The following GOSR1 variants were observed in gnomAD, a reference collection of about 807,000 sequenced individuals.
The protein encoded by GOSR1 is 28 kDa Golgi SNARE protein.
Under a neutral mutation model 35.5 loss-of-function variants are expected in GOSR1, and 21 were observed. The ratio of observed to expected loss-of-function variants is 0.59; its 90% CI spans 0.42 to 0.85. The LOEUF (loss-of-function observed/expected upper bound fraction) is 0.85. Among genes scored for constraint, GOSR1 ranks in the 40% least tolerant of loss-of-function variants. GOSR1 has a pLI of 0.00. For synonymous variants in GOSR1, 94 were observed against 106.6 expected (o/e 0.88, Z 0.73); for missense variants, 285 against 309.6 (o/e 0.92, Z 0.60).
chr17:30,484,970 T>G, intron 4 of GOSR1, 200 bp downstream of exon 4: 1 of 593,800 alleles, frequency 1.7e-6, no homozygotes, highest in Non-Finnish European at 3.1e-6. Context: ...TAATAGCTCT[T>G]GCTATTTCTT....
chr17:30,480,967 C>T (rs537114613), intron 1 of GOSR1, 176 bp from the exon 2 acceptor site: 3 of 475,640 alleles, frequency 6.3e-6, no homozygotes, highest in African/African-American at 3.9e-5. Flanking sequence ...CCACCTTGGC[C>T]TCCCAAAGTG....
intron 7 of GOSR1, among the ~76,000 whole-genome samples, chr17:30,519,366 A>T (rs1050832280): frequency 2.6e-5 from 4 of 152,162 alleles, no homozygotes; most frequent in African/African-American, 7.2e-5. Context: ...TGTTTTAGCC[A>T]CGTTTAATGA....
intron 1 of GOSR1, chr17:30,480,060 A>G (rs550374830): frequency 5.1e-4 from 77 of 152,274 alleles, no homozygotes; most frequent in African/African-American, 1.8e-3. Context: ...TAATCCTAGC[A>G]CTTTGGGAGG....
intron 5 of GOSR1, chr17:30,490,426 T>C (rs1328589675): frequency 1.5e-5 from 6 of 402,668 alleles, no homozygotes; most frequent in African/African-American, 2.0e-5. Context: ...TACTTTATCA[T>C]TGGCTCCTGC....
At chr17:30,493,989 A>C (rs1171514732) in intron 6 of GOSR1, among the ~76,000 whole-genome samples, 1 of 152,100 alleles carries the variant, frequency 6.6e-6, no homozygotes, top group Non-Finnish European at 1.5e-5. Context: ...TCATTTGCAA[A>C]GTTTTTCTAT....
At position 30,522,394 on chromosome 17, in the gene GOSR1, G is replaced by A. The variant is rs1968071414; in HGVS notation, c.*16G>A. The A allele has an allele frequency of 1.3e-6, 2 of 1,545,524 alleles. No homozygotes were observed. The highest frequency in any genetic ancestry group is 2.4e-5 in the East Asian group (1 of 42,400). On this transcript the variant is annotated 3_prime_UTR_variant, in exon 9 of 9. Transcript: ENST00000451249. The stretch of plus-strand genomic sequence containing the variant: ...GTTCCATTGATGGGACATCTTCAGG[G>A]ACTCTTGACAGCCACCGCTTTCACA...
At chr17:30,485,359 C>G (rs1914615885) in intron 4 of GOSR1, among the ~76,000 whole-genome samples, 1 of 151,950 alleles carries the variant, frequency 6.6e-6, no homozygotes, top group East Asian at 1.9e-4. Context: ...CTCAACCTCC[C>G]AAGCTCAAAC....
At chr17:30,500,455 AT>A (rs1967160144) in intron 6 of GOSR1, among the ~76,000 whole-genome samples, 1 of 151,946 alleles carries the variant, frequency 6.6e-6, no homozygotes, top group Non-Finnish European at 1.5e-5. Flanking sequence ...TGTATATTCC[AT>A]TGTTTCAGTA....
chr17:30,485,270 ATTT>A (rs1324966154), intron 4 of GOSR1: 69 of 163,214 alleles, frequency 4.2e-4, no homozygotes, highest in South Asian at 1.7e-3. Flanking sequence ...TAGGAAGGCA[ATTT>A]TTTTTTTTTT....
In GOSR1 at chr17:30,522,329, G is replaced by C. The variant is rs749887246; in HGVS notation, c.698G>C (p.Gly233Ala). The C allele has an allele frequency of 1.3e-5, 21 of 1,610,024 alleles. No homozygotes were observed. In the Admixed American group the frequency reaches 3.2e-4, roughly 24 times the overall value. The change falls in exon 9 of 9, where the codon GGT becomes GCT. Residue 233 changes from glycine (G) to alanine (A), a missense_variant. By Grantham distance (60) the Gly-to-Ala change is moderately conservative. Around this residue, in one of 3 missense-constraint regions of GOSR1, gnomAD observed 168 missense variants for 183.2 expected, o/e 0.92. Coordinates refer to ENST00000451249, the MANE Select transcript of GOSR1 (RefSeq NM_001007025.2). ...CGGCGGGACTCGCTCATCCTAGGGGGTGTTATTGGGATCTGTACCATCCTG... is the reference window on the plus strand; with the variant it reads ...CGGCGGGACTCGCTCATCCTAGGGGCTGTTATTGGGATCTGTACCATCCTG... ...RKRRDSLILGGVIGICTILLL... is the reference protein window; with the variant it reads ...RKRRDSLILGAVIGICTILLL...
intron 7 of GOSR1, among the ~76,000 whole-genome samples, chr17:30,516,848 G>T (rs1036917099): frequency 6.6e-6 from 1 of 152,060 alleles, no homozygotes; most frequent in African/African-American, 2.4e-5. Flanking sequence ...CCAGTAGCTG[G>T]GATTACAGGC....
rs1968179834 is a variant in GOSR1, at chr17:30,526,221, T to A, written c.*3843T>A. On this transcript the variant is annotated 3_prime_UTR_variant, in exon 9 of 9. Transcript: ENST00000451249. The stretch of plus-strand genomic sequence containing the variant: ...GAGGTCAGAAGGAATTTTCTACTTC[T>A]GGATCCAAATGTTACCTCTTAGGGG... The A allele has an allele frequency of 6.6e-6, 1 of 152,266 alleles. No homozygotes were observed. The highest frequency in any genetic ancestry group is 1.5e-5 in the Non-Finnish European group (1 of 68,034). 9.4% of individuals were successfully genotyped at this position (152,266 alleles called of 1,614,324 possible). A position where few individuals can be genotyped will look rare whatever the true frequency, so the allele number is the denominator to read the frequency against.
chr17:30,514,679 T>C (rs1191786640), intron 7 of GOSR1, among the ~76,000 whole-genome samples: 1 of 152,222 alleles, frequency 6.6e-6, no homozygotes, highest in East Asian at 1.9e-4. Flanking sequence ...CTTAACGTTC[T>C]TTATCATTTT....
chr17:30,521,918 C>T (rs1213947234), intron 8 of GOSR1, among the ~76,000 whole-genome samples: 1 of 152,180 alleles, frequency 6.6e-6, no homozygotes, highest in Non-Finnish European at 1.5e-5. Flanking sequence ...TTCCTCCATT[C>T]CTGGCCACGC....
At chr17:30,488,955 G>A (rs1914855392) in intron 4 of GOSR1, among the ~76,000 whole-genome samples, 2 of 152,212 alleles carry the variant, frequency 1.3e-5, no homozygotes, top group Admixed American at 1.3e-4. Flanking sequence ...AAAGAATGAT[G>A]TAGATTTCTT....
chr17:30,520,055 G>A (rs752443837), intron 8 of GOSR1, 34 bp downstream of exon 8: 5 of 1,328,690 alleles, frequency 3.8e-6, no homozygotes, highest in Non-Finnish European at 5.4e-6. Flanking sequence ...TCTGTGTTTT[G>A]AGGGTAGAGG....
intron 1 of GOSR1, 97 bp downstream of exon 1, chr17:30,477,561 C>T: frequency 1.4e-6 from 2 of 1,440,124 alleles, no homozygotes; most frequent in Non-Finnish European, 1.9e-6. Context: ...GAACCAGACT[C>T]CCGGAGCGGC....
At chr17:30,498,012 C>T (rs1176269576) in intron 6 of GOSR1, among the ~76,000 whole-genome samples, 1 of 147,078 alleles carries the variant, frequency 6.8e-6, no homozygotes, top group African/African-American at 2.5e-5. Context: ...GAGCTGAGAT[C>T]GCGTTACTCC....
intron 7 of GOSR1, 199 bp from the exon 8 acceptor site, chr17:30,519,740 A>G: frequency 2.1e-6 from 1 of 487,390 alleles, no homozygotes; most frequent in Middle Eastern, 5.2e-4. Flanking sequence ...GTATAAAAAG[A>G]TATCAGAGAA....
Sources: allele counts gnomAD v4.1 joint callset (sites outside exome capture counted in the v4.1 genomes callset), GRCh38; gene constraint gnomAD v4.1.1; regional missense constraint gnomAD v4.1.1; transcripts MANE v1.5; gene names NCBI Gene and HGNC (gene_info 2026-07-23, HGNC 2026-07-21).